Variants in KAZN observed in about 807,000 individuals in gnomAD.
The protein encoded by KAZN is kazrin.
Under a neutral mutation model 87.4 loss-of-function variants are expected in KAZN, and 40 were observed. That is an observed-to-expected ratio of 0.46 (90% CI 0.36 to 0.60). The LOEUF (loss-of-function observed/expected upper bound fraction) is 0.60. Among genes scored for constraint, KAZN ranks in the 20% least tolerant of loss-of-function variants. The probability of loss-of-function intolerance (pLI) is 0.00; values close to 1 mark genes in which losing one functional copy is unlikely to be tolerated. For synonymous variants in KAZN, 466 were observed against 458.3 expected (o/e 1.02, Z -0.22); for missense variants, 898 against 1,073.9 (o/e 0.84, Z 2.29).
At chr1:14,372,091 G>A (rs1201561237) in intron 2 of KAZN, among the ~76,000 whole-genome samples, 1 of 152,176 alleles carries the variant, frequency 6.6e-6, no homozygotes, top group Non-Finnish European at 1.5e-5. Flanking sequence ...CTGAAAACAA[G>A]TTCATAACAA....
At chr1:15,049,089 T>A (rs114471855) in intron 4 of KAZN, among the ~76,000 whole-genome samples, 1,402 of 135,928 alleles carry the variant, frequency 0.01, 19 homozygotes, top group African/African-American at 0.041. Context: ...CTCCATGGGG[T>A]GACGGCTTTG....
At chr1:14,346,731 TC>T (rs1658136189) in intron 2 of KAZN, among the ~76,000 whole-genome samples, 2 of 152,138 alleles carry the variant, frequency 1.3e-5, no homozygotes, top group Non-Finnish European at 2.9e-5. Context: ...AATAAGTTGT[TC>T]ACCCTATTAG....
At chr1:14,739,988 A>T (rs771565800) in intron 1 of KAZN, among the ~76,000 whole-genome samples, 1 of 152,122 alleles carries the variant, frequency 6.6e-6, no homozygotes, top group Non-Finnish European at 1.5e-5. Flanking sequence ...GCATTTGCTG[A>T]GCAGTTGAGA....
intron 2 of KAZN, among the ~76,000 whole-genome samples, chr1:14,535,540 C>A (rs536777312): frequency 6.6e-6 from 1 of 152,136 alleles, no homozygotes; most frequent in Non-Finnish European, 1.5e-5. Flanking sequence ...GTGGCGCATG[C>A]CTGTAATCCC....
chr1:14,921,015 C>T (rs916159471), intron 1 of KAZN, among the ~76,000 whole-genome samples: 1 of 152,128 alleles, frequency 6.6e-6, no homozygotes, highest in Non-Finnish European at 1.5e-5. Context: ...TGGCCACAGA[C>T]TTGCCAGCTA....
At chr1:13,930,248 G>A (rs142683476) in intron 1 of KAZN, among the ~76,000 whole-genome samples, 8 of 152,314 alleles carry the variant, frequency 5.3e-5, no homozygotes, top group African/African-American at 1.9e-4. Context: ...TTAGCTCCAA[G>A]TCTCACGTTT....
At chr1:14,704,018 C>T (rs1452537568) in intron 1 of KAZN, among the ~76,000 whole-genome samples, 4 of 152,230 alleles carry the variant, frequency 2.6e-5, no homozygotes, top group African/African-American at 9.7e-5. Flanking sequence ...ATTAGACAGA[C>T]TCACCCACCC....
intron 1 of KAZN, among the ~76,000 whole-genome samples, chr1:14,760,767 A>G (rs767677205): frequency 5.3e-4 from 81 of 152,318 alleles, no homozygotes; most frequent in Admixed American, 9.1e-4. Flanking sequence ...CAGCCTGGAC[A>G]ACATAGCAAG....
chr1:14,440,658 C>A (rs1229348076), intron 2 of KAZN, among the ~76,000 whole-genome samples: 1 of 152,142 alleles, frequency 6.6e-6, no homozygotes, highest in African/African-American at 2.4e-5. Flanking sequence ...AAACATAAGG[C>A]CCCTTGTTCA....
rs539765716 is a variant in KAZN at position 13,962,755 on chromosome 1, A to C, written c.91+68999A>C. 2.2e-3 allele frequency among the ~76,000 whole-genome samples: 333 copies of C among 152,158 alleles called. 2 individuals are homozygous for C. The highest frequency in any genetic ancestry group is 6.8e-3 in the Middle Eastern group (2 of 294). ...GTATTTTTAGTAGAGTGAGTGTTTC[A>C]CGGTGTTGGCCAGGCTGGTCTTGAA... On this transcript the variant is annotated intron_variant, in intron 1 of 16. Coordinates refer to the KAZN transcript ENST00000636203.
rs1354337175 is a variant in KAZN, at chr1:14,675,390, T to TG, written c.226+76172dup. Among the ~76,000 whole-genome samples, 4 of 152,334 alleles carry TG rather than the reference T, an allele frequency of 2.6e-5. No homozygotes were observed. In the East Asian group the frequency reaches 5.8e-4, roughly 22 times the overall value. ...GGTAGGAAATGAGCTCCAGGGCACT[T>TG]GGGGGTGTTCTCTTTGAAAATATTT... On this transcript the variant is annotated intron_variant, in intron 1 of 14. Transcript: ENST00000376030.
intron 2 of KAZN, among the ~76,000 whole-genome samples, chr1:14,586,353 C>G (rs1675845915): frequency 6.6e-6 from 1 of 152,156 alleles, no homozygotes; most frequent in Non-Finnish European, 1.5e-5. Flanking sequence ...GTTTACTGAA[C>G]ACCCACCATG....
chr1:14,870,382 G>A (rs112311238), intron 1 of KAZN, among the ~76,000 whole-genome samples: 7,844 of 152,136 alleles, frequency 0.052, 232 homozygotes, highest in African/African-American at 0.085. Context: ...TTGCTCTGTC[G>A]CCCAGGCTGG....
intron 13 of KAZN, among the ~76,000 whole-genome samples, chr1:15,109,839 TTGTG>T (rs1465349531): frequency 4.0e-5 from 6 of 150,832 alleles, no homozygotes; most frequent in Non-Finnish European, 5.9e-5. Context: ...TATGTGGTGT[TTGTG>T]TATGTTTATG....
At position 14,893,134 on chromosome 1, in the gene KAZN, G is replaced by A. The variant is rs144366004; in HGVS notation, c.227-67550G>A. ...TGTAATCCCAGCACTTTGGGAGGCC[G>A]AGGCAGGTGGATCATGAGGTCAGGA... On this transcript the variant is annotated intron_variant, in intron 1 of 14. Coordinates refer to ENST00000376030, the MANE Select transcript of KAZN (RefSeq NM_201628.3). Among the ~76,000 whole-genome samples, 614 of 152,300 alleles carry A rather than the reference G, an allele frequency of 4.0e-3. 2 individuals carry two copies. The highest frequency in any genetic ancestry group is 0.013 in the African/African-American group (553 of 41,564).
chr1:14,253,682 T>C (rs1165988864), intron 2 of KAZN, among the ~76,000 whole-genome samples: 1 of 152,110 alleles, frequency 6.6e-6, no homozygotes, highest in African/African-American at 2.4e-5. Flanking sequence ...GCTGCCTCTT[T>C]GCCTCCATGA....
chr1:14,366,794 G>A (rs971825806), intron 2 of KAZN, among the ~76,000 whole-genome samples: 6 of 152,238 alleles, frequency 3.9e-5, no homozygotes, highest in Admixed American at 1.3e-4. Flanking sequence ...TGAGGTGGCT[G>A]CTTTCCACCA....
At chr1:14,863,027 G>A (rs1481444296) in intron 1 of KAZN, among the ~76,000 whole-genome samples, 2 of 152,068 alleles carry the variant, frequency 1.3e-5, no homozygotes, top group African/African-American at 2.4e-5. Flanking sequence ...TGTTGCTCCC[G>A]TGGTTCCATT....
intron 2 of KAZN, among the ~76,000 whole-genome samples, chr1:14,193,478 T>C (rs549180351): frequency 1.3e-5 from 2 of 152,176 alleles, no homozygotes; most frequent in East Asian, 3.9e-4. Context: ...GAGGCTCCCT[T>C]AGAGCCTTTA....
Sources: gnomAD v4.1 joint callset for allele counts (sites outside exome capture counted in the v4.1 genomes callset) on GRCh38, gnomAD v4.1.1 for gene constraint, MANE v1.5 for transcripts, NCBI Gene and HGNC (gene_info 2026-07-23, HGNC 2026-07-21) for gene names.